The following CDK13 variants were observed in gnomAD, a reference collection of about 807,000 sequenced individuals.
The protein encoded by CDK13 is cyclin-dependent kinase 13.
Under a neutral mutation model 137.6 loss-of-function variants are expected in CDK13, and 40 were observed. The ratio of observed to expected loss-of-function variants is 0.29; its 90% CI spans 0.23 to 0.38. The LOEUF (loss-of-function observed/expected upper bound fraction) is 0.38, where lower values mean the gene tolerates loss of function less well. Ranked by LOEUF, CDK13 falls within the 10% of genes least tolerant of loss-of-function variation. The pLI, the probability that CDK13 is intolerant of heterozygous loss-of-function variation, is 1.00. For missense variants in CDK13, 1,704 were observed against 1,951.8 expected, an observed-to-expected ratio of 0.87 and a Z score of 2.39; for synonymous variants, 869 against 760.1, an observed-to-expected ratio of 1.14 and a Z score of -2.36.
chr7:39,976,331 A>T (rs865989752), intron 1 of CDK13, among the ~76,000 whole-genome samples: 7,182 of 70,560 alleles, frequency 0.1, 297 homozygotes, highest in East Asian at 0.45. Flanking sequence ...TCTCACACAC[A>T]CACACACACA....
chr7:39,967,839 TTGA>T (rs534011021), intron 1 of CDK13, among the ~76,000 whole-genome samples: 87 of 152,196 alleles, frequency 5.7e-4, no homozygotes, highest in Admixed American at 1.7e-3. Context: ...TTGGTGATTA[TTGA>T]TGATGATGAG....
At chr7:40,082,537 C>T (rs1786689517) in intron 11 of CDK13, among the ~76,000 whole-genome samples, 1 of 147,716 alleles carries the variant, frequency 6.8e-6, no homozygotes, top group South Asian at 2.2e-4. Context: ...GGCACAATGG[C>T]TCATGCCTGT....
chr7:39,976,353 A>ACACACACACACACACACACACC (rs1784112327), intron 1 of CDK13, among the ~76,000 whole-genome samples: 1 of 150,304 alleles, frequency 6.7e-6, no homozygotes, highest in Non-Finnish European at 1.5e-5. Flanking sequence ...ACACACACAC[A>ACACACACACACACACACACACC]CACACAGAAA....
At chr7:39,986,258 T>C (rs996917844) in intron 1 of CDK13, 1 of 152,220 alleles carries the variant, frequency 6.6e-6, no homozygotes, top group East Asian at 1.9e-4. Flanking sequence ...CTTTGTCTTG[T>C]GAGTATATTT....
chr7:40,021,492 A>G (rs1229713009), intron 5 of CDK13, among the ~76,000 whole-genome samples: 1 of 152,072 alleles, frequency 6.6e-6, no homozygotes, highest in Non-Finnish European at 1.5e-5. Context: ...ACTGTCTCAA[A>G]AAAAAAGGAA....
At chr7:40,092,517 A>G in intron 12 of CDK13, 1 of 393,840 alleles carries the variant, frequency 2.5e-6, no homozygotes, top group Non-Finnish European at 4.6e-6. Context: ...TAAATCCATA[A>G]CATGAGGTTT....
rs1448093833 is a variant in CDK13 at position 39,997,593 on chromosome 7, A to G, written c.1971A>G (p.Gly657=). Residue 657 remains glycine (G), a synonymous_variant, in exon 3 of 14, where the codon GGA becomes GGG. Coordinates refer to ENST00000181839, the MANE Select transcript of CDK13 (RefSeq NM_003718.5). ...TACCGCTGCCCCCTGAGCTACCAGG[A>G]GGAGATGATCTTTCAAAGAGTCCAG... ...ADLPLPPELP[G]GDDLSKSPEE... is the part of the protein sequence containing the mutation. 6.2e-7 allele frequency: 1 copy of G among 1,612,140 alleles called. No individual in the cohort carries two copies. The highest frequency in any genetic ancestry group is 1.1e-5 in the South Asian group (1 of 90,634).
chr7:39,952,732 C>G (rs538988098), intron 1 of CDK13: 3 of 152,110 alleles, frequency 2.0e-5, no homozygotes, highest in Admixed American at 6.5e-5. Context: ...CACAATATAA[C>G]TAGACCTTTA....
At chr7:39,985,096 A>G (rs1288269697) in intron 1 of CDK13, 1 of 137,288 alleles carries the variant, frequency 7.3e-6, no homozygotes, top group African/African-American at 2.6e-5. Context: ...GTGCCCATTA[A>G]CCCTCCCCCG....
At chr7:39,974,294 A>G (rs1784059188) in intron 1 of CDK13, among the ~76,000 whole-genome samples, 1 of 151,552 alleles carries the variant, frequency 6.6e-6, no homozygotes, top group African/African-American at 2.4e-5. Context: ...TTGAACTCCT[A>G]GGCTCAAGCG....
chr7:40,095,060 C>T lies in CDK13; in HGVS notation c.*80C>T. On this transcript the variant is annotated 3_prime_UTR_variant, in exon 14 of 14. Coordinates refer to ENST00000181839, the MANE Select transcript of CDK13 (RefSeq NM_003718.5). Reference sequence around the variant, plus strand: ...CAATTTAAGGCAGCAATCCAAGAGACTTGAATAATAATAATTCAACAACAG... The same window carrying T: ...CAATTTAAGGCAGCAATCCAAGAGATTTGAATAATAATAATTCAACAACAG... The T allele has an allele frequency of 1.7e-6, 2 of 1,180,784 alleles. No individual in the cohort carries two copies. The highest frequency in any genetic ancestry group is 3.4e-5 in the South Asian group (1 of 29,726). 73.1% of individuals were successfully genotyped at this position (1,180,784 alleles called of 1,614,324 possible). A position where few individuals can be genotyped will look rare whatever the true frequency, so the allele number is the denominator to read the frequency against.
Position 39,951,130 on chromosome 7 carries a change from C to CGCGGCAACG in CDK13, c.495_503dup (p.Thr169_Ala171dup). The CGCGGCAACG allele has an allele frequency of 8.0e-7, 1 of 1,242,666 alleles. No individual in the cohort carries two copies. The highest frequency in any genetic ancestry group is 3.2e-5 in the East Asian group (1 of 31,676). 77.0% of individuals were successfully genotyped at this position (1,242,666 alleles called of 1,614,324 possible). ...AGGGGCTGCTGCTGGGGGGGGCCAG[C>CGCGGCAACG]GCGGCAACGGCGGCGACGGCTGCCG... On this transcript the variant is annotated inframe_insertion, in exon 1 of 14. Transcript: ENST00000181839.
intron 9 of CDK13, among the ~76,000 whole-genome samples, chr7:40,064,957 A>ATTTTTTTTTTTTTT (rs56710188): frequency 2.2e-5 from 1 of 46,102 alleles, no homozygotes. Flanking sequence ...ATGCTGGGTG[A>ATTTTTTTTTTTTTT]TTTTTTTTTT....
At chr7:40,034,596 A>G (rs1184210896) in intron 5 of CDK13, among the ~76,000 whole-genome samples, 1 of 152,170 alleles carries the variant, frequency 6.6e-6, no homozygotes, top group Non-Finnish European at 1.5e-5. Flanking sequence ...TTTACATTAT[A>G]AATAGTACTG....
intron 1 of CDK13, among the ~76,000 whole-genome samples, chr7:39,973,938 T>C (rs1309357615): frequency 6.6e-6 from 1 of 152,236 alleles, no homozygotes; most frequent in African/African-American, 2.4e-5. Flanking sequence ...GTTCCATTGA[T>C]TTATGTATCC....
intron 5 of CDK13, among the ~76,000 whole-genome samples, chr7:40,039,868 T>C (rs1785567525): frequency 6.6e-6 from 1 of 152,338 alleles, no homozygotes; most frequent in South Asian, 2.1e-4. Flanking sequence ...GTATTTGTCA[T>C]ATTTATTATT....
intron 1 of CDK13, among the ~76,000 whole-genome samples, chr7:39,977,444 T>C (rs943760705): frequency 1.7e-4 from 26 of 152,202 alleles, no homozygotes; most frequent in African/African-American, 6.3e-4. Flanking sequence ...ATAGATTATC[T>C]GATTATTTTT....
At chr7:40,028,834 TATA>T (rs1212706535) in intron 5 of CDK13, among the ~76,000 whole-genome samples, 2 of 151,630 alleles carry the variant, frequency 1.3e-5, no homozygotes, top group Admixed American at 6.6e-5. Flanking sequence ...TATAAATATA[TATA>T]ATAATGCAAA....
chr7:40,044,174 G>A (rs1584031104), intron 5 of CDK13, among the ~76,000 whole-genome samples: 2 of 152,052 alleles, frequency 1.3e-5, no homozygotes, highest in Admixed American at 6.5e-5. Context: ...TGGGATTATA[G>A]GTGTGAGCCA....
Sources: allele counts gnomAD v4.1 joint callset (sites outside exome capture counted in the v4.1 genomes callset), GRCh38; gene constraint gnomAD v4.1.1; transcripts MANE v1.5; gene names NCBI Gene and HGNC (gene_info 2026-07-23, HGNC 2026-07-21).